QTMAN: variants seen among roughly 807,000 people sequenced by gnomAD.
QTMAN encodes the protein tRNA-queuosine alpha-mannosyltransferase.
the QTMAN span, among the ~76,000 whole-genome samples, chr2:144,056,227 T>C: frequency 2.8e-4 from 43 of 152,386 alleles, no homozygotes; most frequent in African/African-American, 1.0e-3. Context: ...CAGTAAAATC[T>C]AGAAATTGAG....
At chr2:144,033,242 G>C in the QTMAN span, among the ~76,000 whole-genome samples, 1 of 152,192 alleles carries the variant, frequency 6.6e-6, no homozygotes. Flanking sequence ...TACTACAAGA[G>C]TGTCCTACTT....
the QTMAN span, among the ~76,000 whole-genome samples, chr2:144,196,722 G>A: frequency 1.3e-5 from 2 of 152,146 alleles, no homozygotes. Context: ...TTCATCAAAT[G>A]TATGCCTGCT....
the QTMAN span, among the ~76,000 whole-genome samples, chr2:144,266,115 A>C: frequency 6.6e-6 from 1 of 152,216 alleles, no homozygotes; most frequent in African/African-American, 2.4e-5. Flanking sequence ...GTAGGACTAG[A>C]TGAGGTCATT....
the QTMAN span, among the ~76,000 whole-genome samples, chr2:144,134,681 T>C: frequency 2.3e-4 from 35 of 152,246 alleles, no homozygotes; most frequent in East Asian, 1.2e-3. Flanking sequence ...AAGGTTGACA[T>C]TGGATATACT....
chr2:144,081,562 G>A, the QTMAN span, among the ~76,000 whole-genome samples: 11 of 151,970 alleles, frequency 7.2e-5, no homozygotes, highest in African/African-American at 2.7e-4. Context: ...TGTACACTAT[G>A]GAAATACTCA....
At chr2:144,215,427 A>G in the QTMAN span, among the ~76,000 whole-genome samples, 2 of 152,078 alleles carry the variant, frequency 1.3e-5, no homozygotes, top group African/African-American at 4.8e-5. Context: ...AGTACTTAGC[A>G]TGTACTAAGC....
chr2:144,258,699 T>C, the QTMAN span, among the ~76,000 whole-genome samples: 5 of 152,204 alleles, frequency 3.3e-5, no homozygotes, highest in East Asian at 7.7e-4. Context: ...TATAAGTATA[T>C]AGATATAGAC....
chr2:143,990,276 C>T, the QTMAN span, among the ~76,000 whole-genome samples: 20 of 152,190 alleles, frequency 1.3e-4, 1 homozygote, highest in East Asian at 3.5e-3. Flanking sequence ...GGTAGACAGA[C>T]ATTCTTAATT....
At chr2:144,116,348 ATG>A in the QTMAN span, among the ~76,000 whole-genome samples, 45 of 149,204 alleles carry the variant, frequency 3.0e-4, no homozygotes, top group East Asian at 5.1e-3. Context: ...GTGTGTGTGC[ATG>A]TGTGTGTGTG....
chr2:144,200,701 T>C, the QTMAN span, among the ~76,000 whole-genome samples: 2 of 152,352 alleles, frequency 1.3e-5, no homozygotes, highest in East Asian at 3.9e-4. Flanking sequence ...CAGAAAATCA[T>C]ATTTTCTTTT....
chr2:144,150,585 T>C, the QTMAN span, among the ~76,000 whole-genome samples: 1 of 152,102 alleles, frequency 6.6e-6, no homozygotes, highest in Admixed American at 6.6e-5. Flanking sequence ...CAGCTTTCCC[T>C]AACCTGACAC....
At chr2:143,961,374 A>C in the QTMAN span, among the ~76,000 whole-genome samples, 3 of 152,176 alleles carry the variant, frequency 2.0e-5, no homozygotes, top group Non-Finnish European at 4.4e-5. Context: ...AACTATAGGA[A>C]CTGAAAACCA....
the QTMAN span, among the ~76,000 whole-genome samples, chr2:144,030,469 C>T: frequency 1.3e-5 from 2 of 152,020 alleles, no homozygotes; most frequent in Admixed American, 6.6e-5. Context: ...TTTGTTTTTT[C>T]TTCCTAACTA....
At chr2:143,938,657 T>C in the QTMAN span, 2 of 151,830 alleles carry the variant, frequency 1.3e-5, no homozygotes, top group East Asian at 3.9e-4. Context: ...ATTTTTTTTT[T>C]CATCAATGCC....
chr2:144,299,146 C>T, the QTMAN span, among the ~76,000 whole-genome samples: 13 of 152,090 alleles, frequency 8.5e-5, no homozygotes, highest in African/African-American at 3.1e-4. Context: ...ATCCTGTGAC[C>T]CCAAGATAAA....
chr2:144,014,329 C>T, the QTMAN span, among the ~76,000 whole-genome samples: 4 of 152,150 alleles, frequency 2.6e-5, no homozygotes, highest in African/African-American at 4.8e-5. Context: ...CTAGCCCAAC[C>T]GTGGCTGTGA....
the QTMAN span, among the ~76,000 whole-genome samples, chr2:143,991,492 C>A: frequency 1.0e-4 from 15 of 144,904 alleles, no homozygotes; most frequent in Non-Finnish European, 1.8e-4. Flanking sequence ...GGCGCCTCTG[C>A]CCGGCCACCC....
the QTMAN span, among the ~76,000 whole-genome samples, chr2:144,262,005 G>A: frequency 2.6e-5 from 4 of 152,278 alleles, no homozygotes; most frequent in Middle Eastern, 6.8e-3. Flanking sequence ...GGCAGAAAGA[G>A]AAGAAAGGAG....
At chr2:144,144,904 T>C in the QTMAN span, among the ~76,000 whole-genome samples, 3 of 151,982 alleles carry the variant, frequency 2.0e-5, no homozygotes, top group South Asian at 2.1e-4. Flanking sequence ...TAGGATCCAA[T>C]AGCAAAGCCA....
Sources: gnomAD v4.1 joint callset for allele counts (sites outside exome capture counted in the v4.1 genomes callset) on GRCh38, gnomAD v4.1.1 for gene constraint, MANE v1.5 for transcripts, NCBI Gene and HGNC (gene_info 2026-07-23, HGNC 2026-07-21) for gene names.